NRXN3: variants seen among roughly 807,000 people sequenced by gnomAD.
NRXN3 encodes the protein neurexin 3, also known as neurexin III.
A neutral mutation model predicts 137.6 loss-of-function variants in NRXN3; 32 were observed. That is an observed-to-expected ratio of 0.23 (90% CI 0.18 to 0.31). NRXN3 has a LOEUF of 0.31. Ranked by LOEUF, NRXN3 falls within the 10% of genes least tolerant of loss-of-function variation. The pLI is 1.00. For missense variants in NRXN3, 1,574 were observed against 2,062.5 expected, an observed-to-expected ratio of 0.76 and a Z score of 4.59; for synonymous variants, 798 against 784.5, an observed-to-expected ratio of 1.02 and a Z score of -0.29.
intron 6 of NRXN3, among the ~76,000 whole-genome samples, chr14:78,681,184 T>C (rs1215068259): frequency 6.6e-6 from 1 of 152,182 alleles, no homozygotes; most frequent in African/African-American, 2.4e-5. Flanking sequence ...ATAATTGACA[T>C]TGACAATCGA....
At chr14:78,416,139 G>C (rs1469997578) in intron 4 of NRXN3, among the ~76,000 whole-genome samples, 1 of 152,134 alleles carries the variant, frequency 6.6e-6, no homozygotes, top group Admixed American at 6.6e-5. Context: ...TTGAAGGGGA[G>C]GAGTGATTGG....
At chr14:79,666,189 A>T (rs909139717) in intron 17 of NRXN3, among the ~76,000 whole-genome samples, 1 of 152,028 alleles carries the variant, frequency 6.6e-6, no homozygotes, top group Admixed American at 6.6e-5. Context: ...AATATATTAG[A>T]TTCTTTCTTC....
At chr14:78,479,550 C>T (rs962111102) in intron 4 of NRXN3, among the ~76,000 whole-genome samples, 2 of 152,144 alleles carry the variant, frequency 1.3e-5, no homozygotes, top group African/African-American at 4.8e-5. Flanking sequence ...AGGTTTGTCC[C>T]CAGAACATAC....
At chr14:78,693,526 T>C (rs1487496411) in intron 6 of NRXN3, among the ~76,000 whole-genome samples, 1 of 151,930 alleles carries the variant, frequency 6.6e-6, no homozygotes, top group East Asian at 1.9e-4. Context: ...TCATCTATTT[T>C]TTATTTTCTT....
intron 20 of NRXN3, among the ~76,000 whole-genome samples, chr14:79,811,950 T>C (rs975270433): frequency 2.6e-5 from 4 of 152,146 alleles, no homozygotes; most frequent in African/African-American, 7.2e-5. Flanking sequence ...GCAGTAACTA[T>C]GTGCTTTTAA....
rs2099123814 is a variant in NRXN3, at chr14:78,879,957, G to GACCCATTTACAATAGTATA, written c.2275+69613_2275+69614insACCCATTTACAATAGTATA. On this transcript the variant is annotated intron_variant, in intron 10 of 20. Coordinates refer to ENST00000335750, the MANE Select transcript of NRXN3 (RefSeq NM_001330195.2). ...AAATGGGGGTAATAATATAAGAATT[G>GACCCATTTACAATAGTATA]GGCCGGGCGCGGTGGCTCACGCCTG... Among the ~76,000 whole-genome samples, 998 of 151,582 alleles carry GACCCATTTACAATAGTATA rather than the reference G, an allele frequency of 6.6e-3. 63 individuals are homozygous for GACCCATTTACAATAGTATA. Among genetic ancestry groups the GACCCATTTACAATAGTATA allele is most frequent in the African/African-American group, 0.023 (945 of 40,916 alleles).
At chr14:79,574,241 CAT>C (rs1555531865) in intron 16 of NRXN3, among the ~76,000 whole-genome samples, 1 of 151,286 alleles carries the variant, frequency 6.6e-6, no homozygotes, top group African/African-American at 2.4e-5. Context: ...CACACACACA[CAT>C]ACATATATAC....
chr14:79,773,918 C>G (rs778466723), intron 19 of NRXN3, among the ~76,000 whole-genome samples: 8 of 150,008 alleles, frequency 5.3e-5, no homozygotes, highest in Non-Finnish European at 1.2e-4. Context: ...ATAGACCTAA[C>G]ATAAAGTAGT....
rs571988309 is a variant in NRXN3, at chr14:78,630,601, T to C, written c.758-14519T>C. Among the ~76,000 whole-genome samples, 285 of 150,808 alleles carry C rather than the reference T, an allele frequency of 1.9e-3. 3 individuals are homozygous for C. The East Asian group carries it at 0.02, about 11-fold the overall frequency. ...CTTATTTTTCTTTCTTTCTTTCTTT[T>C]TTTTTTTTTTTTGTTGTTTTTGAGA... On this transcript the variant is annotated intron_variant, in intron 4 of 20. Transcript: ENST00000335750.
intron 10 of NRXN3, among the ~76,000 whole-genome samples, chr14:78,930,056 G>C (rs1230430061): frequency 2.0e-5 from 3 of 152,144 alleles, no homozygotes; most frequent in Non-Finnish European, 2.9e-5. Context: ...GGCATGAACA[G>C]CTGTAGATAA....
At chr14:79,150,050 CA>C (rs2059659749) in intron 15 of NRXN3, among the ~76,000 whole-genome samples, 1 of 151,824 alleles carries the variant, frequency 6.6e-6, no homozygotes, top group Non-Finnish European at 1.5e-5. Flanking sequence ...TTTTTTTAAG[CA>C]AAAGTGTTCT....
intron 5 of NRXN3, among the ~76,000 whole-genome samples, chr14:78,648,859 G>A (rs2097711790): frequency 6.6e-6 from 1 of 152,176 alleles, no homozygotes; most frequent in South Asian, 2.1e-4. Context: ...TGGAAGAGGT[G>A]GAATGGGTTT....
chr14:79,257,737 T>C (rs1356303230), intron 15 of NRXN3, among the ~76,000 whole-genome samples: 8 of 151,582 alleles, frequency 5.3e-5, no homozygotes, highest in Non-Finnish European at 1.0e-4. Context: ...AATGACCTAA[T>C]AACTCAGGAA....
chr14:79,280,295 C>T lies in NRXN3; in HGVS notation c.3263-186926C>T, dbSNP rs767583701. The T allele has an allele frequency of 2.5e-6, 4 of 1,614,076 alleles. No individual in the cohort carries two copies. In the Admixed American group the frequency reaches 5.0e-5, roughly 20 times the overall value. ...GTAGTGGTCCCGTGCGTTGACCATG[C>T]ACCTGAGAATCCACGCGAGACGGAG... On this transcript the variant is annotated intron_variant, in intron 15 of 20. Transcript: ENST00000335750.
At chr14:78,277,791 A>T (rs375969386) in intron 2 of NRXN3, among the ~76,000 whole-genome samples, 2 of 152,110 alleles carry the variant, frequency 1.3e-5, no homozygotes, top group African/African-American at 4.8e-5. Flanking sequence ...GGAGGAGATT[A>T]TGTTGTTCAT....
chr14:79,117,774 A>T (rs1378708124), intron 15 of NRXN3, among the ~76,000 whole-genome samples: 6 of 152,238 alleles, frequency 3.9e-5, no homozygotes, highest in African/African-American at 1.2e-4. Flanking sequence ...CCTCAGACAG[A>T]TTGAAGGAGA....
Position 79,863,531 on chromosome 14 carries a change from TCA to T in NRXN3, c.*1568_*1569del. 6.6e-6 allele frequency: 1 copy of T among 151,902 alleles called. No individual in the cohort carries two copies. The highest frequency in any genetic ancestry group is 1.5e-5 in the Non-Finnish European group (1 of 67,778). The allele number at this position is 151,902 out of a possible 1,614,324, so 9.4% of individuals were successfully genotyped here. On this transcript the variant is annotated 3_prime_UTR_variant, in exon 21 of 21. Coordinates refer to ENST00000335750, the MANE Select transcript of NRXN3 (RefSeq NM_001330195.2). ...TCAAAGAGAATTAAAAAAAAAAACT[TCA>T]GATTTTGTTTACATATTTTACTACA...
chr14:79,354,525 G>T (rs1157675590), intron 15 of NRXN3, among the ~76,000 whole-genome samples: 1 of 152,110 alleles, frequency 6.6e-6, no homozygotes, highest in African/African-American at 2.4e-5. Context: ...TTGTGCAATA[G>T]TACCTCCTGT....
intron 15 of NRXN3, among the ~76,000 whole-genome samples, chr14:79,110,895 A>T (rs576852514): frequency 9.2e-5 from 14 of 151,882 alleles, no homozygotes; most frequent in Admixed American, 5.9e-4. Context: ...GGTTCATGCC[A>T]TTCTCCTGCC....
Sources: allele counts gnomAD v4.1 joint callset (sites outside exome capture counted in the v4.1 genomes callset), GRCh38; gene constraint gnomAD v4.1.1; transcripts MANE v1.5; gene names NCBI Gene and HGNC (gene_info 2026-07-23, HGNC 2026-07-21).